Variants in RBFOX1 observed in about 807,000 individuals in gnomAD.
RBFOX1 encodes RNA binding protein fox-1 homolog 1.
Under a neutral mutation model 57.7 loss-of-function variants are expected in RBFOX1, and 8 were observed. The ratio of observed to expected loss-of-function variants is 0.14; its 90% CI spans 0.08 to 0.25. The LOEUF (loss-of-function observed/expected upper bound fraction) is 0.25. Among genes scored for constraint, RBFOX1 ranks in the 10% least tolerant of loss-of-function variants. The pLI, the probability that RBFOX1 is intolerant of heterozygous loss-of-function variation, is 1.00. For synonymous variants in RBFOX1, 326 were observed against 222.4 expected (o/e 1.47, Z -4.15); for missense variants, 611 against 548.5 (o/e 1.11, Z -1.14).
intron 10 of RBFOX1, among the ~76,000 whole-genome samples, chr16:7,609,053 G>C (rs759912976): frequency 1.3e-5 from 2 of 152,210 alleles, no homozygotes; most frequent in African/African-American, 4.8e-5. Flanking sequence ...GTGCAAAGCT[G>C]CAAGGAAATC....
chr16:7,259,413 T>C (rs1410697450), intron 4 of RBFOX1, among the ~76,000 whole-genome samples: 1 of 152,180 alleles, frequency 6.6e-6, no homozygotes, highest in Non-Finnish European at 1.5e-5. Flanking sequence ...CAGGAACTTT[T>C]TTTTTAATGA....
At chr16:6,192,867 CAT>C (rs1463521098) in intron 1 of RBFOX1, among the ~76,000 whole-genome samples, 1 of 152,148 alleles carries the variant, frequency 6.6e-6, no homozygotes, top group Non-Finnish European at 1.5e-5. Flanking sequence ...AGATCCATCT[CAT>C]AAGATGCAAC....
At chr16:5,767,364 C>A (rs189092777) in intron 3 of RBFOX1, among the ~76,000 whole-genome samples, 34 of 152,336 alleles carry the variant, frequency 2.2e-4, no homozygotes, top group Non-Finnish European at 4.4e-4. Context: ...AGAGGACCTC[C>A]ACAGAAATTC....
rs35872547 is a variant in RBFOX1 at position 6,055,590 on chromosome 16, C to CAAA, written c.-127+35620_-127+35622dup. On this transcript the variant is annotated intron_variant, in intron 1 of 15. Coordinates refer to ENST00000550418, the MANE Select transcript of RBFOX1 (RefSeq NM_018723.4). ...CTTGGGCAACAGAGTGAGACTCCGT[C>CAAA]AAAAAAAAAAAAAAAAAAAAAAAAG... is the stretch of plus-strand genomic sequence containing the variant. 9.8e-4 allele frequency among the ~76,000 whole-genome samples: 64 copies of CAAA among 65,494 alleles called. 1 individual carries two copies. The highest frequency in any genetic ancestry group is 1.2e-3 in the Non-Finnish European group (45 of 38,640). The allele number at this position is 65,494 out of a possible 152,430, so 43.0% of individuals were successfully genotyped here. A position where few individuals can be genotyped will look rare whatever the true frequency, so the allele number is the denominator to read the frequency against.
intron 14 of RBFOX1, among the ~76,000 whole-genome samples, chr16:7,699,781 T>C (rs2080053628): frequency 6.6e-6 from 1 of 152,088 alleles, no homozygotes; most frequent in African/African-American, 2.4e-5. Context: ...TAAAATGACA[T>C]ATGTCTTGCA....
intron 5 of RBFOX1, among the ~76,000 whole-genome samples, chr16:7,526,261 A>T (rs763026762): frequency 6.6e-6 from 1 of 152,068 alleles, no homozygotes; most frequent in Admixed American, 6.5e-5. Context: ...TGGTACCAAA[A>T]ATTTTGGGGA....
chr16:5,578,175 C>T lies in RBFOX1; in HGVS notation c.259-20727C>T, dbSNP rs116672505. On this transcript the variant is annotated intron_variant, in intron 2 of 2. Coordinates refer to the RBFOX1 transcript ENST00000585867. ...GCATGTTGGCCATGATGGTTTTGAT[C>T]TCTTGACCTCGTGATCCACCCACCT... Among the ~76,000 whole-genome samples, 910 of 152,274 alleles carry T rather than the reference C, an allele frequency of 6.0e-3. 9 individuals are homozygous for T. The highest frequency in any genetic ancestry group is 0.021 in the African/African-American group (872 of 41,562).
intron 2 of RBFOX1, among the ~76,000 whole-genome samples, chr16:6,566,729 C>G (rs1189112702): frequency 2.0e-5 from 3 of 152,170 alleles, no homozygotes; most frequent in African/African-American, 7.2e-5. Flanking sequence ...TCCTGGCACT[C>G]TCATCTATAT....
At chr16:7,247,439 A>G (rs1211887555) in intron 4 of RBFOX1, among the ~76,000 whole-genome samples, 1 of 152,168 alleles carries the variant, frequency 6.6e-6, no homozygotes, top group Non-Finnish European at 1.5e-5. Context: ...AGAGTTGTGC[A>G]AGATAATGAG....
At chr16:7,447,941 T>C (rs956435693) in intron 4 of RBFOX1, among the ~76,000 whole-genome samples, 3 of 152,222 alleles carry the variant, frequency 2.0e-5, no homozygotes, top group African/African-American at 7.2e-5. Flanking sequence ...TGTACATTCC[T>C]AGGTCCCTTC....
chr16:6,355,455 G>A (rs1227088776), intron 2 of RBFOX1, among the ~76,000 whole-genome samples: 1 of 152,124 alleles, frequency 6.6e-6, no homozygotes, highest in Admixed American at 6.5e-5. Context: ...CCCTGCAAAG[G>A]ACATGAACTC....
chr16:7,701,917 C>G (rs554277154), intron 14 of RBFOX1, among the ~76,000 whole-genome samples: 7 of 152,298 alleles, frequency 4.6e-5, no homozygotes, highest in South Asian at 2.1e-4. Flanking sequence ...GGGTTTCTCC[C>G]TGTTGCAGCA....
intron 4 of RBFOX1, among the ~76,000 whole-genome samples, chr16:7,420,718 C>A (rs1050402872): frequency 1.3e-5 from 2 of 151,130 alleles, no homozygotes; most frequent in East Asian, 1.9e-4. Flanking sequence ...GGGTCATGTA[C>A]AAATGTATGA....
In RBFOX1 at chr16:6,176,601, C is replaced by T. The variant is rs115226335; in HGVS notation, c.-126-140394C>T. Among the ~76,000 whole-genome samples, 628 of 152,096 alleles carry T rather than the reference C, an allele frequency of 4.1e-3. 3 individuals carry two copies. The highest frequency in any genetic ancestry group is 0.014 in the African/African-American group (597 of 41,502). On this transcript the variant is annotated intron_variant, in intron 1 of 15. Transcript: ENST00000550418. ...TGCATCCCAAAAGACTGGTGTCTAA[C>T]ACATGGTAAGGGTGCAGTAAATGTC...
At chr16:6,277,380 A>C (rs1186089123) in intron 1 of RBFOX1, among the ~76,000 whole-genome samples, 2 of 141,844 alleles carry the variant, frequency 1.4e-5, no homozygotes, top group African/African-American at 5.2e-5. Flanking sequence ...AGGATTGAAT[A>C]TGGGAGGCTG....
At chr16:6,200,844 T>C (rs2097210142) in intron 1 of RBFOX1, among the ~76,000 whole-genome samples, 1 of 152,038 alleles carries the variant, frequency 6.6e-6, no homozygotes, top group Admixed American at 6.5e-5. Flanking sequence ...TGAATTGACG[T>C]AGCAGGTAAG....
At chr16:6,840,165 A>G (rs1488315077) in intron 3 of RBFOX1, among the ~76,000 whole-genome samples, 1 of 152,192 alleles carries the variant, frequency 6.6e-6, no homozygotes, top group Admixed American at 6.5e-5. Flanking sequence ...CCGTTTTGCC[A>G]GTTAAGGTGC....
intron 4 of RBFOX1, among the ~76,000 whole-genome samples, chr16:7,108,618 G>T (rs989613749): frequency 3.3e-5 from 5 of 152,244 alleles, no homozygotes; most frequent in South Asian, 2.1e-4. Flanking sequence ...ATGATTAATT[G>T]CTTGTAAAAT....
intron 3 of RBFOX1, among the ~76,000 whole-genome samples, chr16:5,630,567 C>A (rs1596514680): frequency 1.3e-5 from 2 of 152,170 alleles, no homozygotes; most frequent in African/African-American, 2.4e-5. Context: ...CACGTCAGGA[C>A]CTTCAGAGCA....
Sources: allele counts gnomAD v4.1 joint callset (sites outside exome capture counted in the v4.1 genomes callset), GRCh38; gene constraint gnomAD v4.1.1; transcripts MANE v1.5; gene names NCBI Gene and HGNC (gene_info 2026-07-23, HGNC 2026-07-21).